ZNF804B: variants seen among roughly 807,000 people sequenced by gnomAD.
ZNF804B encodes the protein zinc finger protein 804B.
Under a neutral mutation model 101.4 loss-of-function variants are expected in ZNF804B, and 80 were observed. The observed-to-expected ratio is 0.79, with a 90% CI of 0.66 to 0.95. The LOEUF (loss-of-function observed/expected upper bound fraction) is 0.95. Ranked by LOEUF, ZNF804B falls within the 40% of genes least tolerant of loss-of-function variation. ZNF804B has a pLI of 0.00. For missense variants in ZNF804B, 1,673 were observed against 1,561.9 expected, an observed-to-expected ratio of 1.07 and a Z score of -1.20; for synonymous variants, 622 against 558.8, an observed-to-expected ratio of 1.11 and a Z score of -1.59.
At chr7:88,920,152 C>A (rs1331001264) in intron 1 of ZNF804B, among the ~76,000 whole-genome samples, 3 of 151,994 alleles carry the variant, frequency 2.0e-5, no homozygotes, top group Non-Finnish European at 2.9e-5. Context: ...AAATGTAGAA[C>A]TATTTTAAAG....
chr7:88,974,523 TA>T (rs1356447817), intron 1 of ZNF804B, among the ~76,000 whole-genome samples: 2 of 151,262 alleles, frequency 1.3e-5, no homozygotes, highest in Non-Finnish European at 3.0e-5. Context: ...AAAATAATTT[TA>T]AAAAATCAAT....
At chr7:88,903,354 T>C (rs1040103453) in intron 1 of ZNF804B, among the ~76,000 whole-genome samples, 1 of 152,172 alleles carries the variant, frequency 6.6e-6, no homozygotes, top group Non-Finnish European at 1.5e-5. Flanking sequence ...CAGTCCACCA[T>C]TGATGGGCAC....
intron 1 of ZNF804B, among the ~76,000 whole-genome samples, chr7:88,902,395 C>T (rs558907194): frequency 6.6e-6 from 1 of 152,064 alleles, no homozygotes; most frequent in East Asian, 1.9e-4. Flanking sequence ...CATTTGCTCA[C>T]TTTACAAATA....
chr7:88,941,442 A>G (rs970417417), intron 1 of ZNF804B, among the ~76,000 whole-genome samples: 3 of 152,044 alleles, frequency 2.0e-5, no homozygotes, highest in African/African-American at 7.2e-5. Context: ...AAGAAAATGA[A>G]CTATCAAGCA....
chr7:88,855,997 G>T (rs1403270903), intron 1 of ZNF804B, among the ~76,000 whole-genome samples: 1 of 152,092 alleles, frequency 6.6e-6, no homozygotes, highest in East Asian at 1.9e-4. Context: ...ATGCTGTTTT[G>T]GTTACTGTAG....
intron 2 of ZNF804B, among the ~76,000 whole-genome samples, chr7:89,228,276 A>C (rs1256023127): frequency 5.3e-5 from 8 of 152,116 alleles, no homozygotes. Context: ...AGAGCGCAAG[A>C]ACAAAGCTTC....
intron 2 of ZNF804B, among the ~76,000 whole-genome samples, chr7:89,269,313 GT>G (rs1789847375): frequency 6.6e-6 from 1 of 151,984 alleles, no homozygotes. Flanking sequence ...AACATGTTGT[GT>G]TTGGTTTTTT....
intron 1 of ZNF804B, among the ~76,000 whole-genome samples, chr7:89,202,895 T>TG (rs1443785217): frequency 6.6e-6 from 1 of 152,158 alleles, no homozygotes; most frequent in Admixed American, 6.6e-5. Flanking sequence ...TTTTTTACAA[T>TG]GGGCCCACAA....
At chr7:89,019,484 A>G (rs1023685094) in intron 1 of ZNF804B, among the ~76,000 whole-genome samples, 4 of 152,050 alleles carry the variant, frequency 2.6e-5, no homozygotes, top group African/African-American at 4.8e-5. Context: ...GTAAATATCT[A>G]TTAAGTCCAT....
chr7:88,807,292 T>C (rs992193829), intron 1 of ZNF804B, among the ~76,000 whole-genome samples: 1 of 152,104 alleles, frequency 6.6e-6, no homozygotes, highest in Non-Finnish European at 1.5e-5. Context: ...TTTTTAATAA[T>C]AAGATATAAA....
intron 1 of ZNF804B, among the ~76,000 whole-genome samples, chr7:89,062,321 C>A (rs1789393272): frequency 6.6e-6 from 1 of 151,966 alleles, no homozygotes; most frequent in African/African-American, 2.4e-5. Context: ...CTTTTGCTCC[C>A]ATCTCCAGCT....
At chr7:89,083,536 A>G (rs1789728307) in intron 1 of ZNF804B, among the ~76,000 whole-genome samples, 1 of 119,712 alleles carries the variant, frequency 8.4e-6, no homozygotes, top group Non-Finnish European at 2.0e-5. Context: ...TATAATATAT[A>G]TTCAGAAACA....
intron 2 of ZNF804B, among the ~76,000 whole-genome samples, chr7:89,272,360 T>C (rs1176674421): frequency 6.6e-6 from 1 of 152,140 alleles, no homozygotes; most frequent in East Asian, 1.9e-4. Context: ...ATTTATGCCT[T>C]GAGTACTTCA....
intron 1 of ZNF804B, among the ~76,000 whole-genome samples, chr7:88,885,690 T>C (rs1562822677): frequency 6.6e-6 from 1 of 151,138 alleles, no homozygotes; most frequent in Non-Finnish European, 1.5e-5. Context: ...TTTTTACTTT[T>C]CATAAGTTTT....
intron 1 of ZNF804B, among the ~76,000 whole-genome samples, chr7:88,798,547 A>G (rs17164439): frequency 0.076 from 11,576 of 152,030 alleles, 663 homozygotes; most frequent in East Asian, 0.28. Context: ...CATTTTCCCA[A>G]TGTAATTTTC....
intron 1 of ZNF804B, among the ~76,000 whole-genome samples, chr7:88,974,805 A>C (rs1384290164): frequency 6.6e-6 from 1 of 151,410 alleles, no homozygotes; most frequent in Non-Finnish European, 1.5e-5. Flanking sequence ...CATTCCACTT[A>C]TACTTTATTA....
intron 1 of ZNF804B, among the ~76,000 whole-genome samples, chr7:88,920,174 A>T (rs1792699520): frequency 6.6e-6 from 1 of 152,110 alleles, no homozygotes; most frequent in Non-Finnish European, 1.5e-5. Flanking sequence ...ATTATCATAA[A>T]TCAGAACTCT....
chr7:88,774,101 C>T (rs149974741), intron 1 of ZNF804B, among the ~76,000 whole-genome samples: 46 of 152,030 alleles, frequency 3.0e-4, no homozygotes, highest in African/African-American at 9.2e-4. Flanking sequence ...TCAGTTGACT[C>T]ATGCACAAAG....
chr7:89,032,455 C>A (rs1788853165), intron 1 of ZNF804B, among the ~76,000 whole-genome samples: 1 of 151,918 alleles, frequency 6.6e-6, no homozygotes, highest in Non-Finnish European at 1.5e-5. Context: ...ATTAATGAGT[C>A]TTTAATTTTA....
Sources: gnomAD v4.1 joint callset for allele counts (sites outside exome capture counted in the v4.1 genomes callset) on GRCh38, gnomAD v4.1.1 for gene constraint, MANE v1.5 for transcripts, NCBI Gene and HGNC (gene_info 2026-07-23, HGNC 2026-07-21) for gene names.